Variants in NXPH1 observed in about 807,000 individuals in gnomAD.
The protein encoded by NXPH1 is neurexophilin-1.
In NXPH1, 5 loss-of-function variants were observed where a neutral mutation model predicts 23.7. That is an observed-to-expected ratio of 0.21 (90% confidence interval 0.11 to 0.44). The LOEUF is 0.44. Among genes scored for constraint, NXPH1 ranks in the 20% least tolerant of loss-of-function variants. NXPH1 has a pLI of 0.99. For synonymous variants in NXPH1, 144 were observed against 122.2 expected (o/e 1.18, Z -1.18); for missense variants, 324 against 321.6 (o/e 1.01, Z -0.06).
At chr7:8,517,880 G>C (rs576586321) in intron 2 of NXPH1, among the ~76,000 whole-genome samples, 61 of 152,286 alleles carry the variant, frequency 4.0e-4, no homozygotes, top group African/African-American at 1.4e-3. Context: ...AGTGAACAGA[G>C]TTGCCTGGGA....
intron 2 of NXPH1, among the ~76,000 whole-genome samples, chr7:8,552,114 C>CAAAAAAAAAAAAAAAAAAA (rs34390317): frequency 3.2e-5 from 2 of 61,744 alleles, no homozygotes; most frequent in African/African-American, 1.4e-4. Context: ...GAAAAAAAAC[C>CAAAAAAAAAAAAAAAAAAA]AAAAAAAAAA....
intron 2 of NXPH1, among the ~76,000 whole-genome samples, chr7:8,674,239 G>A (rs1036425914): frequency 6.7e-6 from 1 of 149,482 alleles, no homozygotes; most frequent in Admixed American, 6.7e-5. Context: ...ATTCTGCAAG[G>A]CAGATATTAA....
intron 2 of NXPH1, among the ~76,000 whole-genome samples, chr7:8,643,927 T>G (rs1422869264): frequency 6.6e-6 from 1 of 152,186 alleles, no homozygotes; most frequent in East Asian, 1.9e-4. Flanking sequence ...TTGTTCTTAT[T>G]TTAGTATTAC....
chr7:8,495,836 C>T (rs1230225112), intron 2 of NXPH1, among the ~76,000 whole-genome samples: 1 of 151,964 alleles, frequency 6.6e-6, no homozygotes, highest in East Asian at 1.9e-4. Flanking sequence ...CCTATGGCAG[C>T]AGGATAGACA....
At chr7:8,641,706 G>A (rs1388161318) in intron 2 of NXPH1, among the ~76,000 whole-genome samples, 1 of 151,818 alleles carries the variant, frequency 6.6e-6, no homozygotes, top group African/African-American at 2.4e-5. Context: ...TTCTATAATA[G>A]TTTCTATAAT....
rs1816174116 is a variant in NXPH1, at chr7:8,435,424, C to T, written c.-110-180C>T. Reference sequence around the variant, plus strand: ...CTCGTCCGCCCGCCCGCCTCCCCAGCTGCGGACCGCGCGCTTGCTGGTCTC... The same window carrying T: ...CTCGTCCGCCCGCCCGCCTCCCCAGTTGCGGACCGCGCGCTTGCTGGTCTC... On this transcript the variant is annotated intron_variant, in intron 1 of 2. Transcript: ENST00000405863. The surrounding 1 kb of genome is among the most constrained non-coding windows in gnomAD (Gnocchi z 5.9). 1 of 504,714 alleles carries T rather than the reference C, an allele frequency of 2.0e-6. No homozygotes were observed. The allele number at this position is 504,714 out of a possible 1,614,324, so 31.3% of individuals were successfully genotyped here.
chr7:8,728,354 G>T (rs1780092126), intron 2 of NXPH1, among the ~76,000 whole-genome samples: 1 of 151,890 alleles, frequency 6.6e-6, no homozygotes, highest in African/African-American at 2.4e-5. Flanking sequence ...TAATTGCCCT[G>T]GCCAGAACTT....
chr7:8,556,881 T>C (rs139068105), intron 2 of NXPH1, among the ~76,000 whole-genome samples: 1 of 151,778 alleles, frequency 6.6e-6, no homozygotes, highest in Non-Finnish European at 1.5e-5. Context: ...TGATTTCTCA[T>C]TTGATTCTCA....
At chr7:8,679,596 T>C (rs542620892) in intron 2 of NXPH1, among the ~76,000 whole-genome samples, 8 of 152,356 alleles carry the variant, frequency 5.3e-5, no homozygotes, top group Non-Finnish European at 1.2e-4. Context: ...TAACTTTTGT[T>C]ATTATTTTTG....
At chr7:8,629,261 C>T (rs1820069730) in intron 2 of NXPH1, among the ~76,000 whole-genome samples, 1 of 152,008 alleles carries the variant, frequency 6.6e-6, no homozygotes, top group Non-Finnish European at 1.5e-5. Flanking sequence ...TCCCTTTGTA[C>T]CCAAAACTTT....
chr7:8,702,322 A>G (rs973077581), intron 2 of NXPH1, among the ~76,000 whole-genome samples: 10 of 152,156 alleles, frequency 6.6e-5, no homozygotes, highest in African/African-American at 2.2e-4. Context: ...ATAAATATGT[A>G]CAATGATTGT....
chr7:8,461,965 A>T (rs1816704207), intron 2 of NXPH1, among the ~76,000 whole-genome samples: 1 of 152,130 alleles, frequency 6.6e-6, no homozygotes, highest in African/African-American at 2.4e-5. Flanking sequence ...TATTATTTTT[A>T]TATTAATATA....
intron 2 of NXPH1, among the ~76,000 whole-genome samples, chr7:8,599,633 G>A (rs962365838): frequency 6.6e-6 from 1 of 152,006 alleles, no homozygotes; most frequent in African/African-American, 2.4e-5. Context: ...TTACCTGCCT[G>A]TCAAACACTA....
intron 2 of NXPH1, among the ~76,000 whole-genome samples, chr7:8,499,390 A>G (rs1817393760): frequency 6.6e-6 from 1 of 152,006 alleles, no homozygotes; most frequent in African/African-American, 2.4e-5. Flanking sequence ...TACTCAGCCA[A>G]AGACCAAGGC....
intron 2 of NXPH1, among the ~76,000 whole-genome samples, chr7:8,456,047 G>C (rs1239825547): frequency 6.6e-6 from 1 of 152,206 alleles, no homozygotes; most frequent in African/African-American, 2.4e-5. Flanking sequence ...CCAGGCATGG[G>C]TAAGTCATTT....
At chr7:8,487,026 G>GT (rs1214808588) in intron 2 of NXPH1, among the ~76,000 whole-genome samples, 1 of 151,820 alleles carries the variant, frequency 6.6e-6, no homozygotes, top group Non-Finnish European at 1.5e-5. Flanking sequence ...AAGAACCTAT[G>GT]TTTTTTTCAT....
intron 2 of NXPH1, among the ~76,000 whole-genome samples, chr7:8,628,411 T>C (rs1342170618): frequency 6.7e-6 from 1 of 149,350 alleles, no homozygotes; most frequent in Non-Finnish European, 1.5e-5. Flanking sequence ...AGAAGAGTCA[T>C]CACAAACAAA....
At chr7:8,501,150 T>C (rs1048445915) in intron 2 of NXPH1, among the ~76,000 whole-genome samples, 2 of 152,118 alleles carry the variant, frequency 1.3e-5, no homozygotes, top group Non-Finnish European at 2.9e-5. Flanking sequence ...ATACGATTTT[T>C]GTCATCTAGC....
intron 2 of NXPH1, among the ~76,000 whole-genome samples, chr7:8,476,306 A>T (rs1246553721): frequency 6.6e-6 from 1 of 152,126 alleles, no homozygotes; most frequent in African/African-American, 2.4e-5. Context: ...CTGTCAGCTG[A>T]CAAGTTTCTT....
Sources: allele counts gnomAD v4.1 joint callset (sites outside exome capture counted in the v4.1 genomes callset), GRCh38; gene constraint gnomAD v4.1.1; non-coding constraint Gnocchi (gnomAD v3.1); transcripts MANE v1.5; gene names NCBI Gene and HGNC (gene_info 2026-07-23, HGNC 2026-07-21).